Variants in NCEH1 observed in about 807,000 individuals in gnomAD.
The protein encoded by NCEH1 is neutral cholesterol ester hydrolase 1.
A neutral mutation model predicts 25.4 loss-of-function variants in NCEH1; 9 were observed. The observed-to-expected ratio is 0.35, with a 90% CI of 0.21 to 0.62. NCEH1 has a LOEUF of 0.62. Among genes scored for constraint, NCEH1 ranks in the 20% least tolerant of loss-of-function variants. The pLI, the probability that NCEH1 is intolerant of heterozygous loss-of-function variation, is 0.72. For synonymous variants in NCEH1, 200 were observed against 199.8 expected (o/e 1.00, Z -0.01); for missense variants, 412 against 501.1 (o/e 0.82, Z 1.70).
In NCEH1 at chr3:172,706,499, C is replaced by CTT. The variant is rs768288361; in HGVS notation, c.138+4346_138+4347dup. Reference sequence around the variant, plus strand: ...AATCTTTTACTGTTCTTACATTTTTCTTTTTTTTTTTTTTTTTTTGAGACG... The same window carrying CTT: ...AATCTTTTACTGTTCTTACATTTTTCTTTTTTTTTTTTTTTTTTTTTGAGACG... On this transcript the variant is annotated intron_variant, in intron 1 of 4. Coordinates refer to ENST00000475381, the MANE Select transcript of NCEH1 (RefSeq NM_020792.6). Among the ~76,000 whole-genome samples, 1,025 of 126,420 alleles carry CTT rather than the reference C, an allele frequency of 8.1e-3. 12 individuals carry two copies. Among genetic ancestry groups the CTT allele is most frequent in the South Asian group, 0.042 (153 of 3,682 alleles). The allele number at this position is 126,420 out of a possible 152,430, so 82.9% of individuals were successfully genotyped here. A position where few individuals can be genotyped will look rare whatever the true frequency, so the allele number is the denominator to read the frequency against.
intron 1 of NCEH1, among the ~76,000 whole-genome samples, chr3:172,672,869 C>T (rs993245982): frequency 6.6e-6 from 1 of 152,180 alleles, no homozygotes; most frequent in African/African-American, 2.4e-5. Flanking sequence ...CAACCCTGTC[C>T]ATCCAGTGGC....
chr3:172,700,646 C>G (rs943144971), intron 1 of NCEH1, among the ~76,000 whole-genome samples: 6 of 152,268 alleles, frequency 3.9e-5, no homozygotes, highest in Non-Finnish European at 8.8e-5. Context: ...GATCATGTGC[C>G]ACCACATCTG....
At chr3:172,647,831 A>G in intron 2 of NCEH1, 55 bp downstream of exon 2, 1 of 1,603,820 alleles carries the variant, frequency 6.2e-7, no homozygotes. Flanking sequence ...TCAGTTACGC[A>G]TCTCCCCCAA....
At position 172,672,355 on chromosome 3, in the gene NCEH1, G is replaced by A. The variant is rs148247944; in HGVS notation, c.139-24241C>T. Among the ~76,000 whole-genome samples the A allele has an allele frequency of 3.5e-3, 536 of 152,264 alleles. 4 individuals are homozygous for A. The highest frequency in any genetic ancestry group is 0.012 in the African/African-American group (514 of 41,548). ...TGCTGGAATTACAGTGAGAGCCACCGCACCTGGCCAGGAAGCCCTTTTTAA... is the reference window on the plus strand; with the variant it reads ...TGCTGGAATTACAGTGAGAGCCACCACACCTGGCCAGGAAGCCCTTTTTAA... On this transcript the variant is annotated intron_variant, in intron 1 of 4. Transcript: ENST00000475381.
intron 1 of NCEH1, among the ~76,000 whole-genome samples, chr3:172,665,575 C>G (rs1001279309): frequency 1.3e-5 from 2 of 152,236 alleles, no homozygotes; most frequent in African/African-American, 4.8e-5. Flanking sequence ...TTCAGCTATG[C>G]CCTGCCCCCA....
Position 172,631,753 on chromosome 3 carries a change from C to T in NCEH1, c.*1722G>A, listed in dbSNP as rs552607144. ...GTATGCAACTTTTCATTTGTTATTT[C>T]GTTGCTGGAAGTGGGAAATACCCCA... On this transcript the variant is annotated 3_prime_UTR_variant, in exon 5 of 5. Coordinates refer to ENST00000475381, the MANE Select transcript of NCEH1 (RefSeq NM_020792.6). 6.6e-6 allele frequency: 1 copy of T among 152,554 alleles called. No homozygotes were observed. Among genetic ancestry groups the T allele is most frequent in the South Asian group, 2.1e-4 (1 of 4,812 alleles). The allele number at this position is 152,554 out of a possible 1,614,324, so 9.5% of individuals were successfully genotyped here.
chr3:172,709,278 A>G (rs1236366317), intron 1 of NCEH1, among the ~76,000 whole-genome samples: 1 of 152,266 alleles, frequency 6.6e-6, no homozygotes, highest in Non-Finnish European at 1.5e-5. Flanking sequence ...TCTGCAGCCA[A>G]CACAGCAGTT....
intron 1 of NCEH1, among the ~76,000 whole-genome samples, chr3:172,692,843 A>G (rs1030079124): frequency 4.6e-5 from 7 of 152,222 alleles, no homozygotes; most frequent in Admixed American, 3.9e-4. Flanking sequence ...AGTCATGTAA[A>G]GATTTCCTTC....
At chr3:172,674,658 T>C (rs1273921472) in intron 1 of NCEH1, among the ~76,000 whole-genome samples, 1 of 152,202 alleles carries the variant, frequency 6.6e-6, no homozygotes, top group Non-Finnish European at 1.5e-5. Context: ...ATGTTATATC[T>C]TGGCAAGTAA....
chr3:172,687,208 T>C (rs1446052522), intron 1 of NCEH1, among the ~76,000 whole-genome samples: 1 of 152,202 alleles, frequency 6.6e-6, no homozygotes, highest in Non-Finnish European at 1.5e-5. Flanking sequence ...CACCCGCTTC[T>C]CTTGGCCCCT....
rs958103770 is a variant in NCEH1 at position 172,631,846 on chromosome 3, C to T, written c.*1629G>A. The T allele has an allele frequency of 2.0e-5, 3 of 152,610 alleles. No individual in the cohort carries two copies. The highest frequency in any genetic ancestry group is 7.2e-5 in the African/African-American group (3 of 41,430). 9.5% of individuals were successfully genotyped at this position (152,610 alleles called of 1,614,324 possible). ...CCTGTATCATTACTCAGCTCTGCTG[C>T]TGCTCTCCGCAGCCCCTAAAAGTAG... is the stretch of plus-strand genomic sequence containing the variant. On this transcript the variant is annotated 3_prime_UTR_variant, in exon 5 of 5. Transcript: ENST00000475381.
In NCEH1 at chr3:172,678,692, A is replaced by T. The variant is rs571543281; in HGVS notation, c.139-30578T>A. Among the ~76,000 whole-genome samples the T allele has an allele frequency of 6.0e-5, 9 of 150,816 alleles. No individual in the cohort carries two copies. The South Asian group carries it at 8.4e-4, about 14-fold the overall frequency. On this transcript the variant is annotated intron_variant, in intron 1 of 4. Coordinates refer to ENST00000475381, the MANE Select transcript of NCEH1 (RefSeq NM_020792.6). Reference sequence around the variant, plus strand: ...ACCTACTCATTCAAACATTTAAAAAATTTTTTAAACTATATGTATTAAATA... The same window carrying T: ...ACCTACTCATTCAAACATTTAAAAATTTTTTTAAACTATATGTATTAAATA...
rs1716481513 is a variant in NCEH1, at chr3:172,633,825, G to T, written c.877C>A (p.Pro293Thr). Residue 293 changes from proline (P) to threonine (T), a missense_variant, in exon 5 of 5, where the codon CCT becomes ACT. Pro to Thr is a conservative substitution (Grantham distance 38). Transcript: ENST00000475381. ...TTGTAGTTCTTTGTGAAGGATGCAG[G>T]CAAGAGGGATGTCCAGTTTAGACGG... The part of the protein sequence containing the change: ...RARLNWTSLL[P>T]ASFTKNYKPV... 6.2e-7 allele frequency: 1 copy of T among 1,614,082 alleles called. No individual in the cohort carries two copies. The highest frequency in any genetic ancestry group is 8.5e-7 in the Non-Finnish European group (1 of 1,180,042).
At chr3:172,644,696 T>C (rs964377035) in intron 3 of NCEH1, among the ~76,000 whole-genome samples, 5 of 152,246 alleles carry the variant, frequency 3.3e-5, no homozygotes, top group African/African-American at 7.2e-5. Flanking sequence ...AGGTGCTTCA[T>C]TCATTCATTC....
chr3:172,637,676 G>A (rs1208310930), intron 3 of NCEH1, among the ~76,000 whole-genome samples: 1 of 152,056 alleles, frequency 6.6e-6, no homozygotes, highest in African/African-American at 2.4e-5. Context: ...ATCACCTGAG[G>A]TCAGGAGTTC....
rs149905832 is a variant in NCEH1, at chr3:172,707,397, T to C, written c.138+3450A>G. 6.1e-3 allele frequency among the ~76,000 whole-genome samples: 924 copies of C among 152,306 alleles called. 9 individuals are homozygous for C. Among genetic ancestry groups the C allele is most frequent in the African/African-American group, 0.021 (887 of 41,552 alleles). On this transcript the variant is annotated intron_variant, in intron 1 of 4. Transcript: ENST00000475381. ...ATTTTATCCCCTTAGGGCCAAAGTG[T>C]CAACTAATCTGATAAACTAATCCAT...
At chr3:172,681,538 C>G (rs768316427) in intron 1 of NCEH1, among the ~76,000 whole-genome samples, 2 of 151,782 alleles carry the variant, frequency 1.3e-5, no homozygotes, top group African/African-American at 4.8e-5. Context: ...ATGAAGAATG[C>G]CACTTCGAAA....
chr3:172,639,174 T>C (rs955001924), intron 3 of NCEH1, among the ~76,000 whole-genome samples: 1 of 151,786 alleles, frequency 6.6e-6, no homozygotes. Flanking sequence ...GGCATGTGCT[T>C]GTAATCCCAG....
chr3:172,636,893 C>G (rs541835144), intron 3 of NCEH1, among the ~76,000 whole-genome samples: 1 of 152,228 alleles, frequency 6.6e-6, no homozygotes, highest in Admixed American at 6.5e-5. Flanking sequence ...AGAGTTCCCT[C>G]TCACTCTCTA....
Sources: gnomAD v4.1 joint callset for allele counts (sites outside exome capture counted in the v4.1 genomes callset) on GRCh38, gnomAD v4.1.1 for gene constraint, MANE v1.5 for transcripts, NCBI Gene and HGNC (gene_info 2026-07-23, HGNC 2026-07-21) for gene names.